Variants in ACACA observed in about 807,000 individuals in gnomAD.
ACACA encodes the protein acetyl-CoA carboxylase alpha.
A neutral mutation model predicts 296.1 loss-of-function variants in ACACA; 103 were observed. The ratio of observed to expected loss-of-function variants is 0.35; its 90% CI spans 0.30 to 0.41. The LOEUF is 0.41. Ranked by LOEUF, ACACA falls within the 10% of genes least tolerant of loss-of-function variation. The pLI is 1.00. For missense variants in ACACA, 1,554 were observed against 2,989.7 expected (o/e 0.52, Z 11.20); for synonymous variants, 953 against 1,038.6 (o/e 0.92, Z 1.58).
At chr17:37,090,623 C>T (rs930091572) in intron 54 of ACACA, among the ~76,000 whole-genome samples, 8 of 152,214 alleles carry the variant, frequency 5.3e-5, no homozygotes, top group East Asian at 1.9e-4. Context: ...AAGTGTTTTG[C>T]GCCTAAGGAA....
intron 3 of ACACA, among the ~76,000 whole-genome samples, chr17:37,329,806 T>G (rs1322469737): frequency 1.3e-5 from 2 of 151,006 alleles, no homozygotes; most frequent in Non-Finnish European, 2.9e-5. Context: ...CTGGGCATGG[T>G]GGCAGGCGCC....
At chr17:37,262,559 C>T (rs746145459) in intron 11 of ACACA, among the ~76,000 whole-genome samples, 10 of 152,108 alleles carry the variant, frequency 6.6e-5, no homozygotes, top group Middle Eastern at 3.2e-3. Context: ...AGTGATAAAG[C>T]AGCCATAAAT....
At chr17:37,365,824 G>A (rs775661340) in intron 1 of ACACA, 47 of 752,318 alleles carry the variant, frequency 6.2e-5, no homozygotes, top group Non-Finnish European at 7.0e-5. Flanking sequence ...GTTTTCACAT[G>A]GACACAGGGT....
chr17:37,162,131 A>G, intron 41 of ACACA, 81 bp from the exon 42 acceptor site: 1 of 1,461,236 alleles, frequency 6.8e-7, no homozygotes, highest in South Asian at 1.2e-5. Context: ...GTATCAGAGT[A>G]TACCTAGGCA....
At chr17:37,241,211 A>G (rs915898987) in intron 23 of ACACA, among the ~76,000 whole-genome samples, 2 of 151,890 alleles carry the variant, frequency 1.3e-5, no homozygotes, top group African/African-American at 4.8e-5. Context: ...AAATAAATAA[A>G]TAAATAAATA....
intron 7 of ACACA, among the ~76,000 whole-genome samples, chr17:37,276,692 A>G (rs2082297648): frequency 6.6e-6 from 1 of 152,204 alleles, no homozygotes; most frequent in Non-Finnish European, 1.5e-5. Context: ...TGAGTATTCA[A>G]TTATCTTCAC....
chr17:37,313,014 T>C (rs1240165437), intron 3 of ACACA, among the ~76,000 whole-genome samples: 3 of 152,190 alleles, frequency 2.0e-5, no homozygotes, highest in Non-Finnish European at 4.4e-5. Context: ...AATCTTTCCT[T>C]GATGAACTCC....
intron 3 of ACACA, among the ~76,000 whole-genome samples, chr17:37,307,462 C>G (rs1006558603): frequency 1.7e-4 from 26 of 152,108 alleles, no homozygotes; most frequent in African/African-American, 6.0e-4. Context: ...ATTTGCAAAT[C>G]CCTGATGACT....
chr17:37,195,517 A>T (rs1332616777), intron 35 of ACACA, among the ~76,000 whole-genome samples: 1 of 152,136 alleles, frequency 6.6e-6, no homozygotes, highest in Admixed American at 6.6e-5. Flanking sequence ...GATCATATAA[A>T]CAACTTTTTT....
chr17:37,190,721 CA>C (rs2077718630), intron 38 of ACACA, among the ~76,000 whole-genome samples: 1 of 152,058 alleles, frequency 6.6e-6, no homozygotes, highest in Non-Finnish European at 1.5e-5. Context: ...ACATTTAGTG[CA>C]CAGAAGCAGT....
At chr17:37,379,821 TTGG>T (rs1568078313) in intron 1 of ACACA, among the ~76,000 whole-genome samples, 1 of 147,504 alleles carries the variant, frequency 6.8e-6, no homozygotes, top group Non-Finnish European at 1.5e-5. Flanking sequence ...TTTTACACTG[TTGG>T]TGGGACTGTA....
At chr17:37,173,982 T>TTATTTATATATATATATATATA (rs1555573869) in intron 41 of ACACA, among the ~76,000 whole-genome samples, 2 of 19,440 alleles carry the variant, frequency 1.0e-4, no homozygotes, top group African/African-American at 1.7e-4. Flanking sequence ...CCTGGCTAAT[T>TTATTTATATATATATATATATA]TATATATATA....
At chr17:37,244,475 G>T in intron 21 of ACACA, 113 bp downstream of exon 21, 1 of 1,334,242 alleles carries the variant, frequency 7.5e-7, no homozygotes. Flanking sequence ...AAGAGTTCTA[G>T]GCCAAACAGC....
intron 2 of ACACA, among the ~76,000 whole-genome samples, chr17:37,335,420 G>A (rs932277112): frequency 1.3e-5 from 2 of 152,130 alleles, no homozygotes; most frequent in African/African-American, 4.8e-5. Flanking sequence ...AACTCCCAAT[G>A]CATCAGGTGG....
chr17:37,244,475 G>A, intron 21 of ACACA, 113 bp downstream of exon 21: 1 of 1,334,242 alleles, frequency 7.5e-7, no homozygotes, highest in Non-Finnish European at 1.1e-6. Flanking sequence ...AAGAGTTCTA[G>A]GCCAAACAGC....
chr17:37,339,932 C>T (rs1282157866), intron 1 of ACACA, 82 bp from the exon 2 acceptor site: 4 of 739,978 alleles, frequency 5.4e-6, no homozygotes, highest in Non-Finnish European at 9.3e-6. Context: ...CAGCATAATA[C>T]AAAGGTAATA....
chr17:37,140,449 C>G (rs1156579472), intron 45 of ACACA, among the ~76,000 whole-genome samples: 2 of 152,098 alleles, frequency 1.3e-5, no homozygotes, highest in Admixed American at 6.5e-5. Context: ...CAGCCTAAAA[C>G]AGTTCCCTGG....
At chr17:37,361,295 C>T (rs1306637393) in intron 1 of ACACA, among the ~76,000 whole-genome samples, 1 of 151,884 alleles carries the variant, frequency 6.6e-6, no homozygotes, top group Admixed American at 6.6e-5. Context: ...CCTTAGCCTC[C>T]CAAAGTGCTG....
rs1477648163 is a variant in ACACA, at chr17:37,113,628, C to T, written c.6275-363G>A. ...CATGTCAATATGTGCTCTCCCACTA[C>T]AGTAAGTTTACTAAAGGAAGGAACT... On this transcript the variant is annotated intron_variant, in intron 50 of 55. Transcript: ENST00000616317. The surrounding 1 kb of genome is among the most constrained non-coding windows in gnomAD (Gnocchi z 4.0). 1.3e-5 allele frequency among the ~76,000 whole-genome samples: 2 copies of T among 152,372 alleles called. No individual in the cohort carries two copies. The highest frequency in any genetic ancestry group is 2.1e-4 in the South Asian group (1 of 4,832).
Sources: allele counts gnomAD v4.1 joint callset (sites outside exome capture counted in the v4.1 genomes callset), GRCh38; gene constraint gnomAD v4.1.1; non-coding constraint Gnocchi (gnomAD v3.1); transcripts MANE v1.5; gene names NCBI Gene and HGNC (gene_info 2026-07-23, HGNC 2026-07-21).